The following RABGAP1 variants were observed in gnomAD, a reference collection of about 807,000 sequenced individuals.
RABGAP1 encodes rab GTPase-activating protein 1.
Under a neutral mutation model 137.6 loss-of-function variants are expected in RABGAP1, and 23 were observed. The observed-to-expected ratio is 0.17, with a 90% CI of 0.12 to 0.24. RABGAP1 has a LOEUF of 0.24. Ranked by LOEUF, RABGAP1 falls within the 10% of genes least tolerant of loss-of-function variation. The pLI, the probability that RABGAP1 is intolerant of heterozygous loss-of-function variation, is 1.00. For synonymous variants in RABGAP1, 451 were observed against 450.7 expected, an observed-to-expected ratio of 1.00 and a Z score of -0.01; for missense variants, 906 against 1,275.8, an observed-to-expected ratio of 0.71 and a Z score of 4.42.
intron 2 of RABGAP1, among the ~76,000 whole-genome samples, chr9:122,974,441 T>TA (rs1835656781): frequency 2.5e-5 from 2 of 78,462 alleles, no homozygotes; most frequent in Admixed American, 2.5e-4. Context: ...TTTTTTTTTT[T>TA]AGTTATAATA....
At chr9:123,035,855 T>C (rs1247995771) in intron 13 of RABGAP1, among the ~76,000 whole-genome samples, 1 of 152,202 alleles carries the variant, frequency 6.6e-6, no homozygotes, top group Non-Finnish European at 1.5e-5. Flanking sequence ...TTGCTCTTGC[T>C]CTCAATTTTT....
At chr9:122,942,586 C>T (rs941108632) in intron 1 of RABGAP1, among the ~76,000 whole-genome samples, 1 of 146,624 alleles carries the variant, frequency 6.8e-6, no homozygotes, top group African/African-American at 2.6e-5. Flanking sequence ...AACAGAATCG[C>T]TTGAACCCGG....
chr9:122,975,039 A>G (rs1347166204), intron 2 of RABGAP1, among the ~76,000 whole-genome samples: 1 of 152,222 alleles, frequency 6.6e-6, no homozygotes, highest in Non-Finnish European at 1.5e-5. Context: ...AGTAACATAC[A>G]TACTTCTTAA....
intron 13 of RABGAP1, among the ~76,000 whole-genome samples, chr9:123,025,562 C>CTTTTTTTT (rs1588290536): frequency 5.7e-5 from 1 of 17,650 alleles, no homozygotes; most frequent in African/African-American, 1.3e-4. Context: ...TTTTTTTTTG[C>CTTTTTTTT]CTTCAAGAAT....
chr9:122,944,388 C>T (rs1833814404), intron 1 of RABGAP1, among the ~76,000 whole-genome samples: 1 of 152,072 alleles, frequency 6.6e-6, no homozygotes, highest in African/African-American at 2.4e-5. Flanking sequence ...TGCGACCACA[C>T]CCAGTGAATT....
chr9:123,034,530 C>T (rs372653689), intron 13 of RABGAP1: 24 of 1,327,876 alleles, frequency 1.8e-5, no homozygotes, highest in Admixed American at 1.7e-4. Context: ...AGCAGCCAAG[C>T]GGCAGCATGA....
intron 1 of RABGAP1, among the ~76,000 whole-genome samples, chr9:122,943,086 T>C (rs1445493121): frequency 1.6e-4 from 5 of 32,144 alleles, no homozygotes; most frequent in Non-Finnish European, 8.1e-4. Context: ...TTTTTTTTTT[T>C]TTTTTTTTTT....
At chr9:122,962,142 A>G in intron 2 of RABGAP1, among the ~76,000 whole-genome samples, 1 of 152,162 alleles carries the variant, frequency 6.6e-6, no homozygotes, top group Non-Finnish European at 1.5e-5. Context: ...TGTTTGAATA[A>G]TGTTTCTATT....
intron 2 of RABGAP1, among the ~76,000 whole-genome samples, chr9:122,979,190 G>A (rs999167188): frequency 2.6e-5 from 4 of 152,084 alleles, no homozygotes; most frequent in African/African-American, 4.8e-5. Flanking sequence ...GAACCACTGC[G>A]CCCAGACTAT....
intron 2 of RABGAP1, among the ~76,000 whole-genome samples, chr9:122,983,983 C>G (rs567707439): frequency 3.3e-5 from 5 of 152,348 alleles, no homozygotes; most frequent in Admixed American, 6.5e-5. Context: ...TATCATGTAA[C>G]TCTTCCTCAG....
In RABGAP1 at chr9:122,997,281, A is replaced by T; in HGVS notation, c.1124A>T (p.Asp375Val). ...LDLESMGKSS[D>V]GKSYVITGSW... ...TAGGAATCTATGGGCAAAAGTTCAG[A>T]TGGAAAGTCGTATGTTATTACGGGG... Residue 375 changes from aspartate (D) to valine (V), a missense_variant, in exon 9 of 26, where the codon GAT becomes GTT. This residue lies in a region of RABGAP1 where 212 missense variants were observed against 289.4 expected (regional missense o/e 0.73). Transcript: ENST00000373647. The T allele has an allele frequency of 6.2e-7, 1 of 1,606,486 alleles. No individual in the cohort carries two copies. The highest frequency in any genetic ancestry group is 8.5e-7 in the Non-Finnish European group (1 of 1,177,774).
intron 15 of RABGAP1, among the ~76,000 whole-genome samples, chr9:123,073,304 T>C (rs565210820): frequency 6.6e-6 from 1 of 152,334 alleles, no homozygotes; most frequent in Admixed American, 6.5e-5. Flanking sequence ...GTTATTTTAA[T>C]ACTGGCTGTG....
chr9:123,008,538 C>T (rs1457900989), intron 10 of RABGAP1, among the ~76,000 whole-genome samples: 2 of 144,570 alleles, frequency 1.4e-5, no homozygotes, highest in Non-Finnish European at 3.0e-5. Context: ...GAGGGAGACT[C>T]CATCTCAAAA....
At position 123,091,335 on chromosome 9, in the gene RABGAP1, C is replaced by T. The variant is rs1250952932; in HGVS notation, c.2628+950C>T. 2.0e-5 allele frequency among the ~76,000 whole-genome samples: 3 copies of T among 152,154 alleles called. No individual in the cohort carries two copies. The East Asian group carries it at 5.8e-4, about 29-fold the overall frequency. ...TGAATTTCAGGATGTCCTTGACATC[C>T]ACCAGAAGCTTACAAAAATTTTGTG... On this transcript the variant is annotated intron_variant, in intron 21 of 25. Coordinates refer to ENST00000373647, the MANE Select transcript of RABGAP1 (RefSeq NM_012197.4).
At chr9:123,021,293 TAA>T (rs1258571217) in intron 13 of RABGAP1, among the ~76,000 whole-genome samples, 38 of 127,360 alleles carry the variant, frequency 3.0e-4, no homozygotes, top group African/African-American at 7.4e-4. Context: ...AGCTGTTATT[TAA>T]AAAAAAAAAA....
At chr9:122,950,921 G>A (rs1053314772) in intron 1 of RABGAP1, among the ~76,000 whole-genome samples, 10 of 152,174 alleles carry the variant, frequency 6.6e-5, no homozygotes, top group African/African-American at 2.4e-4. Context: ...GGTAGGAAAT[G>A]GATGCAAAAG....
chr9:122,957,065 T>A lies in RABGAP1; in HGVS notation c.6T>A (p.Asp2Glu). The A allele has an allele frequency of 6.6e-7, 1 of 1,514,470 alleles. No homozygotes were observed. Among genetic ancestry groups the A allele is most frequent in the South Asian group, 1.3e-5 (1 of 75,414 alleles). The allele number at this position is 1,514,470 out of a possible 1,614,324, so 93.8% of individuals were successfully genotyped here. A position where few individuals can be genotyped will look rare whatever the true frequency, so the allele number is the denominator to read the frequency against. ...TTGAGACTCATTCTTGAGTTATGGA[T>A]GACAAGGCTTCTGTTGGAAAAATCA... M[D>E]DKASVGKISV... Residue 2 changes from aspartate (D) to glutamate (E), a missense_variant, in exon 2 of 26, where the codon GAT becomes GAA. Physicochemically the swap from Asp to Glu is conservative, Grantham distance 45. Around this residue, in one of 9 missense-constraint regions of RABGAP1, gnomAD observed 331 missense variants for 358.3 expected, o/e 0.92. Transcript: ENST00000373647.
intron 12 of RABGAP1, among the ~76,000 whole-genome samples, chr9:123,016,536 C>T (rs1410548399): frequency 7.2e-6 from 1 of 139,354 alleles, no homozygotes; most frequent in Admixed American, 7.5e-5. Context: ...AAATACCAAA[C>T]AAAAAGAATA....
chr9:122,987,984 G>A lies in RABGAP1; in HGVS notation c.591-1313G>A, dbSNP rs1588219332. Among the ~76,000 whole-genome samples, 2 of 152,248 alleles carry A rather than the reference G, an allele frequency of 1.3e-5. 1 individual carries two copies. The highest frequency in any genetic ancestry group is 4.1e-4 in the South Asian group (2 of 4,822). ...GGTGACAGAGTAATAGCTGTGTGTTGATTGTAGTAAAATAATCTGTATATG... is the reference window on the plus strand; with the variant it reads ...GGTGACAGAGTAATAGCTGTGTGTTAATTGTAGTAAAATAATCTGTATATG... On this transcript the variant is annotated intron_variant, in intron 4 of 25. Coordinates refer to ENST00000373647, the MANE Select transcript of RABGAP1 (RefSeq NM_012197.4).
Sources: allele counts gnomAD v4.1 joint callset (sites outside exome capture counted in the v4.1 genomes callset), GRCh38; gene constraint gnomAD v4.1.1; regional missense constraint gnomAD v4.1.1; transcripts MANE v1.5; gene names NCBI Gene and HGNC (gene_info 2026-07-23, HGNC 2026-07-21).